FNIP2: variants seen among roughly 807,000 people sequenced by gnomAD.
FNIP2 encodes the protein folliculin interacting protein 2, also known as folliculin-interacting protein 2.
In FNIP2, 32 loss-of-function variants were observed where a neutral mutation model predicts 108.7. That is an observed-to-expected ratio of 0.29 (90% CI 0.22 to 0.40). The LOEUF is 0.40. Among genes scored for constraint, FNIP2 ranks in the 10% least tolerant of loss-of-function variants. The pLI is 1.00. For missense variants in FNIP2, 1,202 were observed against 1,381.6 expected, an observed-to-expected ratio of 0.87 and a Z score of 2.06; for synonymous variants, 480 against 496.7, an observed-to-expected ratio of 0.97 and a Z score of 0.45.
At chr4:158,806,079 C>T in intron 1 of FNIP2, 2 of 990,694 alleles carry the variant, frequency 2.0e-6, no homozygotes, top group East Asian at 9.1e-5. Context: ...GAAATTAGTA[C>T]ACTGCTGTCA....
Position 158,869,443 on chromosome 4 carries a change from C to G in FNIP2, c.2792+15C>G. 1 of 1,572,850 alleles carries G rather than the reference C, an allele frequency of 6.4e-7. No individual in the cohort carries two copies. The highest frequency in any genetic ancestry group is 8.6e-7 in the Non-Finnish European group (1 of 1,163,002). On this transcript the variant is annotated intron_variant, in intron 13 of 16. Coordinates refer to ENST00000264433, the MANE Select transcript of FNIP2 (RefSeq NM_020840.3). ...CCTCTGCCAAGGTAACTCCAGCAGG[C>G]TGGGAAGTAGAGGGAACTGGGTTCA...
chr4:158,823,182 G>T (rs1777977410), intron 1 of FNIP2, among the ~76,000 whole-genome samples: 1 of 152,072 alleles, frequency 6.6e-6, no homozygotes. Flanking sequence ...AATTAAATCT[G>T]ATTTTTTTTA....
At chr4:158,777,488 G>A (rs991716770) in intron 1 of FNIP2, among the ~76,000 whole-genome samples, 9 of 152,252 alleles carry the variant, frequency 5.9e-5, no homozygotes, top group African/African-American at 1.7e-4. Context: ...TAAAAAGAAT[G>A]TGCCAGACTA....
intron 1 of FNIP2, among the ~76,000 whole-genome samples, chr4:158,821,896 T>G (rs539840762): frequency 1.3e-5 from 2 of 152,268 alleles, no homozygotes; most frequent in South Asian, 4.2e-4. Context: ...GAGACCAGCC[T>G]GGGCAACATG....
At chr4:158,852,926 G>C (rs781570965) in intron 8 of FNIP2, among the ~76,000 whole-genome samples, 1 of 152,086 alleles carries the variant, frequency 6.6e-6, no homozygotes, top group Non-Finnish European at 1.5e-5. Flanking sequence ...TATGGTCAAG[G>C]CTGGCTACCT....
intron 16 of FNIP2, among the ~76,000 whole-genome samples, chr4:158,896,697 C>T (rs919155524): frequency 1.3e-5 from 2 of 151,746 alleles, no homozygotes; most frequent in African/African-American, 4.8e-5. Context: ...ATAGATTATT[C>T]TTACATACTT....
chr4:158,896,390 A>G (rs1423815862), intron 16 of FNIP2, among the ~76,000 whole-genome samples: 3 of 152,144 alleles, frequency 2.0e-5, no homozygotes, highest in Non-Finnish European at 2.9e-5. Flanking sequence ...AAAAATGCCT[A>G]TCATCCTCCA....
intron 1 of FNIP2, among the ~76,000 whole-genome samples, chr4:158,782,207 G>C (rs1256882483): frequency 6.6e-6 from 1 of 151,740 alleles, no homozygotes; most frequent in South Asian, 2.1e-4. Context: ...TAGTGGATTG[G>C]TGGAGCAGCT....
At chr4:158,847,374 G>A (rs1779464156) in intron 7 of FNIP2, among the ~76,000 whole-genome samples, 1 of 152,196 alleles carries the variant, frequency 6.6e-6, no homozygotes, top group South Asian at 2.1e-4. Flanking sequence ...AGAGGGAACA[G>A]TAAAGAGGAC....
intron 1 of FNIP2, among the ~76,000 whole-genome samples, chr4:158,771,980 A>T (rs1775713548): frequency 6.6e-6 from 1 of 152,204 alleles, no homozygotes; most frequent in East Asian, 1.9e-4. Context: ...AGTTTATCTC[A>T]CAGGTCATTT....
chr4:158,868,434 G>A lies in FNIP2; in HGVS notation c.1798G>A (p.Glu600Lys), dbSNP rs1406867048. The change falls in exon 13 of 17, where the codon GAG becomes AAG. Residue 600 changes from glutamate to lysine, a missense_variant. By Grantham distance (56) the Glu-to-Lys change is moderately conservative. Transcript: ENST00000264433. The surrounding 1 kb of genome is among the most constrained non-coding windows in gnomAD (Gnocchi z 4.6). ...CAACCCCTGGCCGACAGGGTTTCCT[G>A]AGTGCCCAGAGGGCACTGACAGTAG... ...RHNPWPTGFP[E>K]CPEGTDSRDL... is the part of the protein sequence containing the mutation. 6.8e-6 allele frequency: 11 copies of A among 1,614,002 alleles called. No individual in the cohort carries two copies. The highest frequency in any genetic ancestry group is 8.5e-6 in the Non-Finnish European group (10 of 1,179,880).
chr4:158,878,099 T>C (rs1399599959), intron 14 of FNIP2, among the ~76,000 whole-genome samples: 3 of 152,320 alleles, frequency 2.0e-5, no homozygotes, highest in Non-Finnish European at 2.9e-5. Flanking sequence ...CCCATTGTTA[T>C]AATTCCTGTC....
chr4:158,859,627 T>G lies in FNIP2; in HGVS notation c.1109T>G (p.Phe370Cys). The G allele has an allele frequency of 6.2e-7, 1 of 1,613,564 alleles. No homozygotes were observed. Among genetic ancestry groups the G allele is most frequent in the Non-Finnish European group, 8.5e-7 (1 of 1,179,718 alleles). ...GCAGAATCAAGTCTCCGAGTCCAGT[T>G]TTATGTCAGCCGTTTGATGGAAGCT... is the stretch of plus-strand genomic sequence containing the variant. ...KIAESSLRVQ[F>C]YVSRLMEALG... Residue 370 changes from phenylalanine (F) to cysteine (C), a missense_variant, in exon 10 of 17, where the codon TTT (phenylalanine) becomes TGT (cysteine). Around this residue, in one of 5 missense-constraint regions of FNIP2, gnomAD observed 878 missense variants for 990.3 expected, o/e 0.89. Transcript: ENST00000264433.
At chr4:158,894,431 C>G (rs983906691) in intron 15 of FNIP2, among the ~76,000 whole-genome samples, 1 of 152,076 alleles carries the variant, frequency 6.6e-6, no homozygotes, top group African/African-American at 2.4e-5. Flanking sequence ...CTCAGCCTCC[C>G]AAAGTGCTAG....
chr4:158,808,716 G>A (rs1009261830), intron 1 of FNIP2: 2 of 152,182 alleles, frequency 1.3e-5, no homozygotes, highest in Non-Finnish European at 2.9e-5. Flanking sequence ...AGTCAGGTAG[G>A]TAGGACTTCC....
chr4:158,858,880 G>T (rs184859401), intron 8 of FNIP2, among the ~76,000 whole-genome samples, 177 bp from the exon 9 acceptor site: 2 of 152,300 alleles, frequency 1.3e-5, no homozygotes, highest in African/African-American at 4.8e-5. Context: ...ATACCGTGTG[G>T]CAGGCAAGCT....
At chr4:158,804,972 T>C (rs921187265) in intron 1 of FNIP2, among the ~76,000 whole-genome samples, 1 of 152,206 alleles carries the variant, frequency 6.6e-6, no homozygotes, top group Non-Finnish European at 1.5e-5. Context: ...ATTTCAGCTA[T>C]TTTTTGAGTT....
chr4:158,846,902 A>G (rs1779433383), intron 7 of FNIP2, among the ~76,000 whole-genome samples: 1 of 152,180 alleles, frequency 6.6e-6, no homozygotes, highest in Non-Finnish European at 1.5e-5. Flanking sequence ...GGTAGGCGAG[A>G]CAGTCTTGAA....
chr4:158,833,423 C>T, intron 5 of FNIP2, 105 bp from the exon 6 acceptor site: 1 of 660,272 alleles, frequency 1.5e-6, no homozygotes. Context: ...TATTGAGTGA[C>T]TGATCAGTCG....
Sources: allele counts gnomAD v4.1 joint callset (sites outside exome capture counted in the v4.1 genomes callset), GRCh38; gene constraint gnomAD v4.1.1; regional missense constraint gnomAD v4.1.1; non-coding constraint Gnocchi (gnomAD v3.1); transcripts MANE v1.5; gene names NCBI Gene and HGNC (gene_info 2026-07-23, HGNC 2026-07-21).